Variants in MGLL observed in about 807,000 individuals in gnomAD.
MGLL encodes lysophospholipase homolog.
Under a neutral mutation model 29.1 loss-of-function variants are expected in MGLL, and 7 were observed. The ratio of observed to expected loss-of-function variants is 0.24; its 90% CI spans 0.14 to 0.45. MGLL has a LOEUF of 0.45. MGLL is among the 20% of genes least tolerant of loss of function. MGLL has a pLI of 0.99. For missense variants in MGLL, 356 were observed against 413.6 expected, an observed-to-expected ratio of 0.86 and a Z score of 1.21; for synonymous variants, 148 against 168.3, an observed-to-expected ratio of 0.88 and a Z score of 0.93.
chr3:127,735,643 T>G (rs2076228779), intron 3 of MGLL: 10 of 1,495,724 alleles, frequency 6.7e-6, no homozygotes, highest in Non-Finnish European at 9.0e-6. Flanking sequence ...TGTAGTTACC[T>G]CCAGTCACCT....
In MGLL at chr3:127,705,466, C is replaced by G. The variant is rs1394235374; in HGVS notation, c.600+5110G>C. 2.0e-5 allele frequency among the ~76,000 whole-genome samples: 3 copies of G among 151,982 alleles called. 1 individual carries two copies. In the Middle Eastern group the frequency reaches 0.01, roughly 517 times the overall value. ...AAAAGAAATGGGCAAAGGATCTGAA[C>G]AAACATTTCTCTAAAGAAGACATAC... On this transcript the variant is annotated intron_variant, in intron 6 of 7. Coordinates refer to ENST00000265052, the MANE Select transcript of MGLL (RefSeq NM_007283.7).
intron 1 of MGLL, 77 bp from the exon 2 acceptor site, chr3:127,821,915 C>A: frequency 6.8e-7 from 1 of 1,469,438 alleles, no homozygotes; most frequent in South Asian, 1.3e-5. Flanking sequence ...AAGTCTAGTT[C>A]AGAGTCAGTA....
chr3:127,760,877 T>G (rs1387597577), intron 3 of MGLL, among the ~76,000 whole-genome samples: 1 of 152,248 alleles, frequency 6.6e-6, no homozygotes, highest in South Asian at 2.1e-4. Flanking sequence ...ATAGGGACGT[T>G]GCCTGCCTTA....
At chr3:127,759,072 A>G (rs1013463579) in intron 3 of MGLL, among the ~76,000 whole-genome samples, 1 of 151,934 alleles carries the variant, frequency 6.6e-6, no homozygotes, top group African/African-American at 2.4e-5. Flanking sequence ...GATTACAGGT[A>G]CATGCCACCA....
chr3:127,766,614 A>G (rs1323683632), intron 3 of MGLL, among the ~76,000 whole-genome samples: 1 of 152,244 alleles, frequency 6.6e-6, no homozygotes, highest in Non-Finnish European at 1.5e-5. Context: ...ACAGCATCAA[A>G]GAACTCCGAA....
In MGLL at chr3:127,690,575, C is replaced by T. The variant is rs561988889; in HGVS notation, c.*1623G>A. ...GCTGGAGGAAGAAGGGCGGGAGCCCCTGAGGCCTAGACTTCATGTTGGGGG... is the reference window on the plus strand; with the variant it reads ...GCTGGAGGAAGAAGGGCGGGAGCCCTTGAGGCCTAGACTTCATGTTGGGGG... On this transcript the variant is annotated 3_prime_UTR_variant, in exon 8 of 8. Coordinates refer to ENST00000265052, the MANE Select transcript of MGLL (RefSeq NM_007283.7). 6.5e-6 allele frequency: 1 copy of T among 152,866 alleles called. No individual in the cohort carries two copies. The allele number at this position is 152,866 out of a possible 1,614,324, so 9.5% of individuals were successfully genotyped here.
At chr3:127,809,028 G>A (rs528110295) in intron 2 of MGLL, among the ~76,000 whole-genome samples, 1 of 152,268 alleles carries the variant, frequency 6.6e-6, no homozygotes, top group East Asian at 1.9e-4. Flanking sequence ...TTCCATCAAG[G>A]ACCCAGATTT....
At chr3:127,739,481 G>A (rs556618552) in intron 3 of MGLL, among the ~76,000 whole-genome samples, 7 of 152,156 alleles carry the variant, frequency 4.6e-5, no homozygotes, top group Non-Finnish European at 8.8e-5. Flanking sequence ...ACTTGCCAAC[G>A]TGAACTGTAT....
intron 5 of MGLL, chr3:127,713,678 A>G (rs780142439): frequency 6.6e-6 from 1 of 152,274 alleles, no homozygotes; most frequent in Non-Finnish European, 1.5e-5. Flanking sequence ...TTGGGGACCC[A>G]TCACCTGATT....
chr3:127,822,444 AC>A lies in MGLL; in HGVS notation c.-127del. Reference sequence around the variant, plus strand: ...AGGCAGCTCCGAGCCCTCTTCCCGCACCCAGACCCTGCCTTTCGGGCTGGGG... The same window carrying A: ...AGGCAGCTCCGAGCCCTCTTCCCGCACCAGACCCTGCCTTTCGGGCTGGGG... On this transcript the variant is annotated 5_prime_UTR_variant, in exon 1 of 8. Transcript: ENST00000265052. The A allele has an allele frequency of 1.0e-6, 1 of 978,802 alleles. No individual in the cohort carries two copies. Among genetic ancestry groups the A allele is most frequent in the Non-Finnish European group, 1.6e-6 (1 of 624,202 alleles). The allele number at this position is 978,802 out of a possible 1,614,324, so 60.6% of individuals were successfully genotyped here. A position where few individuals can be genotyped will look rare whatever the true frequency, so the allele number is the denominator to read the frequency against.
intron 2 of MGLL, among the ~76,000 whole-genome samples, chr3:127,818,742 G>A (rs959737159): frequency 6.6e-6 from 1 of 152,122 alleles, no homozygotes; most frequent in Admixed American, 6.5e-5. Context: ...GGGTCATTTG[G>A]AGAAAGATAC....
At chr3:127,715,340 C>G in intron 5 of MGLL, 1 of 283,962 alleles carries the variant, frequency 3.5e-6, no homozygotes, top group Non-Finnish European at 6.9e-6. Flanking sequence ...ATCTTCAGCT[C>G]TTTTTCTAAA....
chr3:127,692,176 AGCCGGGCACCG>A lies in MGLL; in HGVS notation c.*11_*21del. The stretch of plus-strand genomic sequence containing the variant: ...CCCTGCCTGCATCCCCCAGACCATG[AGCCGGGCACCG>A]GCCAATGCATTCAGGGTGGGGACGC... On this transcript the variant is annotated 3_prime_UTR_variant, in exon 8 of 8. Coordinates refer to ENST00000265052, the MANE Select transcript of MGLL (RefSeq NM_007283.7). The A allele has an allele frequency of 6.3e-7, 1 of 1,593,590 alleles. No homozygotes were observed.
chr3:127,781,747 G>T, intron 3 of MGLL, 42 bp downstream of exon 3: 1 of 1,563,890 alleles, frequency 6.4e-7, no homozygotes, highest in Non-Finnish European at 8.8e-7. Flanking sequence ...TCTCCAAATT[G>T]TCAGGGCCCA....
intron 3 of MGLL, among the ~76,000 whole-genome samples, chr3:127,769,461 C>T (rs979281816): frequency 3.3e-5 from 5 of 152,318 alleles, no homozygotes; most frequent in Middle Eastern, 3.4e-3. Flanking sequence ...ATCACCTAGA[C>T]GCTGCCCTCA....
intron 2 of MGLL, among the ~76,000 whole-genome samples, chr3:127,798,452 C>G (rs2077422533): frequency 6.6e-6 from 1 of 152,156 alleles, no homozygotes; most frequent in Non-Finnish European, 1.5e-5. Context: ...CTCTGTGGCC[C>G]CTGCCTGTCC....
At chr3:127,740,181 A>G (rs1001959316) in intron 3 of MGLL, among the ~76,000 whole-genome samples, 3 of 152,242 alleles carry the variant, frequency 2.0e-5, no homozygotes, top group Non-Finnish European at 4.4e-5. Context: ...GTAAATGTGC[A>G]TAACCTAAAT....
At chr3:127,697,657 G>A (rs1161317924) in intron 6 of MGLL, among the ~76,000 whole-genome samples, 1 of 152,218 alleles carries the variant, frequency 6.6e-6, no homozygotes, top group African/African-American at 2.4e-5. Flanking sequence ...AAAGCAGGCA[G>A]GGGCTGTGTG....
intron 3 of MGLL, among the ~76,000 whole-genome samples, chr3:127,772,017 C>T (rs971333177): frequency 5.3e-5 from 8 of 152,278 alleles, no homozygotes; most frequent in Non-Finnish European, 7.3e-5. Context: ...ATCTGAGCTT[C>T]GCACTTTCCT....
Sources: allele counts gnomAD v4.1 joint callset (sites outside exome capture counted in the v4.1 genomes callset), GRCh38; gene constraint gnomAD v4.1.1; transcripts MANE v1.5; gene names NCBI Gene and HGNC (gene_info 2026-07-23, HGNC 2026-07-21).